The following BCL11A variants were observed in gnomAD, a reference collection of about 807,000 sequenced individuals.
The protein encoded by BCL11A is B cell CLL/lymphoma 11A.
BCL11A carries 2 observed loss-of-function variants against 55.9 expected under a neutral mutation model. The ratio of observed to expected loss-of-function variants is 0.04; its 90% CI spans 0.01 to 0.11. The LOEUF is 0.11. Among genes scored for constraint, BCL11A ranks in the 10% least tolerant of loss-of-function variants. The pLI, the probability that BCL11A is intolerant of heterozygous loss-of-function variation, is 1.00. For synonymous variants in BCL11A, 465 were observed against 473.4 expected, an observed-to-expected ratio of 0.98 and a Z score of 0.23; for missense variants, 817 against 1,137.1, an observed-to-expected ratio of 0.72 and a Z score of 4.05.
chr2:60,546,429 C>G lies in BCL11A; in HGVS notation c.56-129G>C, dbSNP rs1228723747. ...GTTTCTAGGCTTCTCTATATAATAC[C>G]CAGAAAATGTGAGCATACAAAAAGT... On this transcript the variant is annotated intron_variant, in intron 1 of 3. Coordinates refer to ENST00000642384, the MANE Select transcript of BCL11A (RefSeq NM_022893.4). The surrounding 1 kb of genome is among the most constrained non-coding windows in gnomAD (Gnocchi z 4.1). The G allele has an allele frequency of 1.3e-6, 1 of 783,878 alleles. No individual in the cohort carries two copies. Among genetic ancestry groups the G allele is most frequent in the East Asian group, 2.7e-5 (1 of 37,238 alleles). The allele number at this position is 783,878 out of a possible 1,614,324, so 48.6% of individuals were successfully genotyped here. A position where few individuals can be genotyped will look rare whatever the true frequency, so the allele number is the denominator to read the frequency against.
At chr2:60,520,481 A>C (rs543637800) in intron 2 of BCL11A, among the ~76,000 whole-genome samples, 2 of 152,348 alleles carry the variant, frequency 1.3e-5, no homozygotes, top group East Asian at 3.9e-4. Context: ...AAAAGTAAAG[A>C]GCATCACCCT....
intron 3 of BCL11A, among the ~76,000 whole-genome samples, chr2:60,463,381 C>CT (rs532496462): frequency 1.3e-3 from 192 of 152,328 alleles, no homozygotes; most frequent in African/African-American, 4.3e-3. Context: ...CTACACTATC[C>CT]TCCTCCTCAT....
At chr2:60,539,309 A>C (rs183455892) in intron 2 of BCL11A, among the ~76,000 whole-genome samples, 1 of 152,344 alleles carries the variant, frequency 6.6e-6, no homozygotes, top group African/African-American at 2.4e-5. Flanking sequence ...CGCCTATTGT[A>C]AAGGCAAATG....
At chr2:60,520,756 G>T (rs568224806) in intron 2 of BCL11A, among the ~76,000 whole-genome samples, 6 of 147,248 alleles carry the variant, frequency 4.1e-5, no homozygotes, top group African/African-American at 1.5e-4. Context: ...GAATCTACAG[G>T]AATCTGAAGG....
At chr2:60,523,062 G>A (rs1669061583) in intron 2 of BCL11A, among the ~76,000 whole-genome samples, 2 of 152,232 alleles carry the variant, frequency 1.3e-5, no homozygotes, top group African/African-American at 4.8e-5. Context: ...GTAAAAGCTT[G>A]TTGGACTTAA....
Position 60,460,276 on chromosome 2 carries a change from T to C in BCL11A, c.*128A>G. On this transcript the variant is annotated 3_prime_UTR_variant, in exon 4 of 4. Coordinates refer to ENST00000642384, the MANE Select transcript of BCL11A (RefSeq NM_022893.4). The stretch of plus-strand genomic sequence containing the variant: ...TAGCTTCGTTACTTCTGTTTGTTTG[T>C]TTGTTTGTTTAAATCACATGGGACT... The C allele has an allele frequency of 1.4e-6, 2 of 1,442,416 alleles. No homozygotes were observed. Among genetic ancestry groups the C allele is most frequent in the East Asian group, 2.4e-5 (1 of 41,282 alleles). The allele number at this position is 1,442,416 out of a possible 1,614,324, so 89.4% of individuals were successfully genotyped here.
chr2:60,462,655 A>G (rs1379872990), intron 3 of BCL11A, among the ~76,000 whole-genome samples: 1 of 152,118 alleles, frequency 6.6e-6, no homozygotes, highest in Non-Finnish European at 1.5e-5. Context: ...TTTATATCCA[A>G]TCCCCAAAGC....
In BCL11A at chr2:60,479,876, T is replaced by G. The variant is rs1463883927; in HGVS notation, c.386-11043A>C. ...TTTATTTTCTTACAAAATCTGAAAA[T>G]GAAACGCTTCTGTCCCTCCCTTCCA... On this transcript the variant is annotated intron_variant, in intron 2 of 3. Transcript: ENST00000642384. 2.0e-5 allele frequency among the ~76,000 whole-genome samples: 3 copies of G among 152,202 alleles called. No individual in the cohort carries two copies. The East Asian group carries it at 5.8e-4, about 29-fold the overall frequency.
In BCL11A at chr2:60,493,586, C is replaced by G. The variant is rs572203285; in HGVS notation, c.386-24753G>C. Among the ~76,000 whole-genome samples, 5 of 152,222 alleles carry G rather than the reference C, an allele frequency of 3.3e-5. No homozygotes were observed. In the South Asian group the frequency reaches 1.0e-3, roughly 32 times the overall value. On this transcript the variant is annotated intron_variant, in intron 2 of 3. Coordinates refer to ENST00000642384, the MANE Select transcript of BCL11A (RefSeq NM_022893.4). ...AAAATGGGCATTCATTTGAATCAGGCCAAATAAATTGGACTCTGGGTCAGA... is the reference window on the plus strand; with the variant it reads ...AAAATGGGCATTCATTTGAATCAGGGCAAATAAATTGGACTCTGGGTCAGA...
chr2:60,499,258 G>A lies in BCL11A; in HGVS notation c.386-30425C>T, dbSNP rs1014173029. 8.5e-5 allele frequency among the ~76,000 whole-genome samples: 13 copies of A among 152,182 alleles called. No homozygotes were observed. The South Asian group carries it at 1.7e-3, about 19-fold the overall frequency. ...CAAGGCGAGTGGATAGCGCCCTTCC[G>A]TCACTCCCACAGAGCTGCAGGGGTG... On this transcript the variant is annotated intron_variant, in intron 2 of 3. Coordinates refer to ENST00000642384, the MANE Select transcript of BCL11A (RefSeq NM_022893.4).
intron 2 of BCL11A, chr2:60,537,858 T>C (rs577598689): frequency 2.4e-4 from 37 of 152,384 alleles, no homozygotes; most frequent in African/African-American, 8.9e-4. Context: ...CCTTGCAGGT[T>C]TCACAATAAT....
At position 60,553,371 on chromosome 2, in the gene BCL11A, A is replaced by T; in HGVS notation, c.-101T>A. The T allele has an allele frequency of 8.1e-7, 1 of 1,231,844 alleles. No homozygotes were observed. Among genetic ancestry groups the T allele is most frequent in the South Asian group, 1.3e-5 (1 of 74,882 alleles). The allele number at this position is 1,231,844 out of a possible 1,614,324, so 76.3% of individuals were successfully genotyped here. ...GCCGGGTTAGAAAGAAGGAGACTCCAGAGAAAATATCTTCATCAGTGCCTT... is the reference window on the plus strand; with the variant it reads ...GCCGGGTTAGAAAGAAGGAGACTCCTGAGAAAATATCTTCATCAGTGCCTT... On this transcript the variant is annotated 5_prime_UTR_variant, in exon 1 of 4. Transcript: ENST00000642384.
intron 2 of BCL11A, among the ~76,000 whole-genome samples, chr2:60,505,353 C>A (rs1284708904): frequency 6.6e-6 from 1 of 152,226 alleles, no homozygotes; most frequent in East Asian, 1.9e-4. Context: ...ATAACAGCCC[C>A]AAAAGAACAC....
intron 2 of BCL11A, among the ~76,000 whole-genome samples, chr2:60,477,478 C>T (rs555839288): frequency 6.6e-6 from 1 of 152,242 alleles, no homozygotes; most frequent in East Asian, 1.9e-4. Flanking sequence ...GGAGGGATAG[C>T]ATTAGGAGAA....
In BCL11A at chr2:60,461,153, C is replaced by T. The variant is rs1212578579; in HGVS notation, c.1759G>A (p.Glu587Lys). Residue 587 changes from glutamate (E) to lysine (K), a missense_variant, in exon 4 of 4, where the codon GAA becomes AAA. Glu to Lys is a moderately conservative substitution (Grantham distance 56). Transcript: ENST00000642384. ...TCCGACTCGCCGGCCACCGAGTCTTCGTCGCAAGTGTCCCTGTGGCCCTCG... is the reference window on the plus strand; with the variant it reads ...TCCGACTCGCCGGCCACCGAGTCTTTGTCGCAAGTGTCCCTGTGGCCCTCG... ...EAEGHRDTCDEDSVAGESDRI... is the reference protein window; with the variant it reads ...EAEGHRDTCDKDSVAGESDRI... The T allele has an allele frequency of 3.7e-6, 6 of 1,612,136 alleles. No individual in the cohort carries two copies. The highest frequency in any genetic ancestry group is 4.2e-6 in the Non-Finnish European group (5 of 1,179,700).
intron 3 of BCL11A, among the ~76,000 whole-genome samples, chr2:60,467,906 A>ATGGTGG (rs754981583): frequency 0.39 from 3,230 of 8,344 alleles, 650 homozygotes; most frequent in East Asian, 0.69. Flanking sequence ...GGTGGTGGTA[A>ATGGTGG]TGGTGGTGGT....
intron 2 of BCL11A, among the ~76,000 whole-genome samples, chr2:60,497,054 C>G (rs972558162): frequency 1.3e-5 from 2 of 152,238 alleles, no homozygotes; most frequent in African/African-American, 4.8e-5. Flanking sequence ...TACTCCTCCC[C>G]CAGTGTTGAG....
chr2:60,459,081 T>A lies in BCL11A; in HGVS notation c.*1323A>T. On this transcript the variant is annotated 3_prime_UTR_variant, in exon 4 of 4. Coordinates refer to ENST00000642384, the MANE Select transcript of BCL11A (RefSeq NM_022893.4). ...ATCATTGTATCAATATTAGCTTATA[T>A]ACCTGTTCTAGTTTTAAATGGCAAA... 4.9e-6 allele frequency: 5 copies of A among 1,015,196 alleles called. No individual in the cohort carries two copies. Among genetic ancestry groups the A allele is most frequent in the Non-Finnish European group, 5.9e-6 (5 of 844,416 alleles). The allele number at this position is 1,015,196 out of a possible 1,614,324, so 62.9% of individuals were successfully genotyped here. A position where few individuals can be genotyped will look rare whatever the true frequency, so the allele number is the denominator to read the frequency against.
At chr2:60,467,998 GGTGGTGGTGATGGTGGTGGTGGTGGTA>G (rs1676944264) in intron 3 of BCL11A, among the ~76,000 whole-genome samples, 1 of 135,444 alleles carries the variant, frequency 7.4e-6, no homozygotes, top group Non-Finnish European at 1.6e-5. Context: ...TGGTAATGGT[GGTGGTGGTGATGGTGGTGGTGGTGGTA>G]GTGGTGGTGA....
Sources: allele counts gnomAD v4.1 joint callset (sites outside exome capture counted in the v4.1 genomes callset), GRCh38; gene constraint gnomAD v4.1.1; non-coding constraint Gnocchi (gnomAD v3.1); transcripts MANE v1.5; gene names NCBI Gene and HGNC (gene_info 2026-07-23, HGNC 2026-07-21).